Variants in SEMA5A observed in about 807,000 individuals in gnomAD.
The protein encoded by SEMA5A is semaphorin-5A.
SEMA5A carries 55 observed loss-of-function variants against 135.5 expected under a neutral mutation model. The observed-to-expected ratio is 0.41, with a 90% CI of 0.33 to 0.51. SEMA5A has a LOEUF of 0.51. SEMA5A is among the 20% of genes least tolerant of loss of function. SEMA5A has a pLI of 0.37. For synonymous variants in SEMA5A, 580 were observed against 546.5 expected (o/e 1.06, Z -0.85); for missense variants, 1,290 against 1,419.9 (o/e 0.91, Z 1.47).
chr5:9,319,579 G>A (rs1205050089), intron 4 of SEMA5A, among the ~76,000 whole-genome samples: 1 of 152,052 alleles, frequency 6.6e-6, no homozygotes, highest in Admixed American at 6.5e-5. Context: ...ATGTAAATGG[G>A]AAGATGGGGC....
At chr5:9,170,138 G>A (rs1381283898) in intron 11 of SEMA5A, among the ~76,000 whole-genome samples, 1 of 152,142 alleles carries the variant, frequency 6.6e-6, no homozygotes, top group East Asian at 1.9e-4. Flanking sequence ...TATGAACAGG[G>A]TCTGTGCATT....
At chr5:9,187,985 G>C (rs1334394218) in intron 11 of SEMA5A, among the ~76,000 whole-genome samples, 1 of 152,138 alleles carries the variant, frequency 6.6e-6, no homozygotes, top group Non-Finnish European at 1.5e-5. Context: ...TTTAAACAAT[G>C]GTAAAAGAAG....
rs138582608 is a variant in SEMA5A at position 9,044,470 on chromosome 5, G to A, written c.3008C>T (p.Ala1003Val). The A allele has an allele frequency of 1.9e-3, 3,106 of 1,613,998 alleles. 7 individuals are homozygous for A. The highest frequency in any genetic ancestry group is 2.5e-3 in the Non-Finnish European group (2,904 of 1,179,986). Reference sequence around the variant, plus strand: ...AGGTGAGACGGGGTGGATGACAGTCGCATCGTGGGATTGCTGCTGGTACCG... The same window carrying A: ...AGGTGAGACGGGGTGGATGACAGTCACATCGTGGGATTGCTGCTGGTACCG... Reference protein sequence around the residue: ...CQRYQQQSHDATVIHPVSPAP... With the variant: ...CQRYQQQSHDVTVIHPVSPAP... The change falls in exon 22 of 23, where the codon GCG becomes GTG. Residue 1003 changes from alanine (A) to valine (V), a missense_variant. Around this residue, in one of 3 missense-constraint regions of SEMA5A, gnomAD observed 1,029 missense variants for 1,086.6 expected, o/e 0.95. Transcript: ENST00000382496.
At chr5:9,507,717 C>G (rs1735969880) in intron 1 of SEMA5A, among the ~76,000 whole-genome samples, 3 of 152,036 alleles carry the variant, frequency 2.0e-5, no homozygotes, top group Admixed American at 1.3e-4. Flanking sequence ...TGAGGTAAAA[C>G]TTCAGGGACG....
chr5:9,288,660 T>C (rs1003368671), intron 5 of SEMA5A, among the ~76,000 whole-genome samples: 6 of 152,216 alleles, frequency 3.9e-5, no homozygotes, highest in Non-Finnish European at 8.8e-5. Flanking sequence ...CTCTCATGAA[T>C]GAAATTCATT....
intron 1 of SEMA5A, among the ~76,000 whole-genome samples, chr5:9,520,230 C>T (rs1736748007): frequency 6.6e-6 from 1 of 152,210 alleles, no homozygotes; most frequent in Non-Finnish European, 1.5e-5. Context: ...TACTCCAGGC[C>T]AGGCACTGTT....
intron 4 of SEMA5A, among the ~76,000 whole-genome samples, chr5:9,336,876 A>T (rs1388209061): frequency 6.6e-6 from 1 of 152,224 alleles, no homozygotes; most frequent in African/African-American, 2.4e-5. Context: ...AAATATAATG[A>T]ACTCTCCACT....
At chr5:9,090,555 T>G (rs1738975916) in intron 16 of SEMA5A, among the ~76,000 whole-genome samples, 1 of 152,238 alleles carries the variant, frequency 6.6e-6, no homozygotes, top group Non-Finnish European at 1.5e-5. Context: ...CTGGTGCAAC[T>G]GTTTGATCTG....
At chr5:9,272,393 C>A (rs574830385) in intron 5 of SEMA5A, among the ~76,000 whole-genome samples, 13 of 152,186 alleles carry the variant, frequency 8.5e-5, no homozygotes, top group Admixed American at 8.5e-4. Context: ...CCCCACCTCC[C>A]TGGGACAGAG....
At chr5:9,241,768 T>G (rs560771110) in intron 5 of SEMA5A, among the ~76,000 whole-genome samples, 4 of 152,270 alleles carry the variant, frequency 2.6e-5, no homozygotes, top group Middle Eastern at 3.4e-3. Flanking sequence ...ATTGGCTCTT[T>G]TTATGTATGT....
At chr5:9,345,025 A>C (rs1201434777) in intron 3 of SEMA5A, among the ~76,000 whole-genome samples, 1 of 152,144 alleles carries the variant, frequency 6.6e-6, no homozygotes, top group Non-Finnish European at 1.5e-5. Flanking sequence ...TAGAATATCT[A>C]AGTAGAAGTA....
rs989147676 is a variant in SEMA5A at position 9,482,110 on chromosome 5, C to T, written c.-174-44258G>A. 3.3e-5 allele frequency among the ~76,000 whole-genome samples: 5 copies of T among 152,148 alleles called. No homozygotes were observed. In the East Asian group the frequency reaches 7.7e-4, roughly 23 times the overall value. On this transcript the variant is annotated intron_variant, in intron 1 of 22. Transcript: ENST00000382496. The stretch of plus-strand genomic sequence containing the variant: ...GCTTTCTTTTCTCATTTAATGTGAT[C>T]GCAGTTGTGCTCACCAAGTCCAGTT...
chr5:9,126,233 G>A (rs537080146), intron 13 of SEMA5A, among the ~76,000 whole-genome samples: 1 of 152,264 alleles, frequency 6.6e-6, no homozygotes, highest in Non-Finnish European at 1.5e-5. Context: ...AAGCCTGCAG[G>A]TGGGAGGGAG....
chr5:9,163,299 T>C (rs1238453186), intron 11 of SEMA5A, among the ~76,000 whole-genome samples: 1 of 152,184 alleles, frequency 6.6e-6, no homozygotes, highest in Non-Finnish European at 1.5e-5. Flanking sequence ...AAAGGATTTG[T>C]TTAAACATTA....
intron 1 of SEMA5A, among the ~76,000 whole-genome samples, chr5:9,470,469 A>T (rs1354497463): frequency 6.6e-6 from 1 of 152,252 alleles, no homozygotes. Context: ...GACTGAGACA[A>T]CATGACATAT....
chr5:9,252,829 A>G (rs1748870559), intron 5 of SEMA5A, among the ~76,000 whole-genome samples: 1 of 152,160 alleles, frequency 6.6e-6, no homozygotes, highest in South Asian at 2.1e-4. Context: ...CAGAGCAGGG[A>G]CACCCTGGGG....
intron 5 of SEMA5A, among the ~76,000 whole-genome samples, chr5:9,251,509 T>G (rs1434904854): frequency 6.6e-6 from 1 of 152,174 alleles, no homozygotes; most frequent in Non-Finnish European, 1.5e-5. Flanking sequence ...AAAAATACTT[T>G]AGGTATGACT....
chr5:9,272,311 C>A (rs1043113600), intron 5 of SEMA5A, among the ~76,000 whole-genome samples: 1 of 152,014 alleles, frequency 6.6e-6, no homozygotes, highest in African/African-American at 2.4e-5. Flanking sequence ...GAAGCCAGAC[C>A]ATCTCTCCTC....
chr5:9,082,214 T>C (rs1738425520), intron 16 of SEMA5A, among the ~76,000 whole-genome samples: 1 of 152,188 alleles, frequency 6.6e-6, no homozygotes, highest in Non-Finnish European at 1.5e-5. Flanking sequence ...TGTTTTGAAA[T>C]TGTATAGAAG....
Sources: allele counts gnomAD v4.1 joint callset (sites outside exome capture counted in the v4.1 genomes callset), GRCh38; gene constraint gnomAD v4.1.1; regional missense constraint gnomAD v4.1.1; transcripts MANE v1.5; gene names NCBI Gene and HGNC (gene_info 2026-07-23, HGNC 2026-07-21).